PCDHA4: variants seen among roughly 807,000 people sequenced by gnomAD.
PCDHA4 encodes protocadherin alpha 4.
PCDHA4 carries 49 observed loss-of-function variants against 61.4 expected under a neutral mutation model. The observed-to-expected ratio is 0.80, with a 90% CI of 0.63 to 1.01. PCDHA4 has a LOEUF of 1.01. Ranked by LOEUF, PCDHA4 falls within the 50% of genes least tolerant of loss-of-function variation. The pLI, the probability that PCDHA4 is intolerant of heterozygous loss-of-function variation, is 0.00. For missense variants in PCDHA4, 1,254 were observed against 1,235.8 expected (o/e 1.01, Z -0.22); for synonymous variants, 590 against 550.3 (o/e 1.07, Z -1.01).
At position 141,010,065 on chromosome 5, in the gene PCDHA4, A is replaced by G; in HGVS notation, c.*128A>G. The stretch of plus-strand genomic sequence containing the variant: ...CTTAGAGACCTCAGAAATCTGCAGA[A>G]AGTTCCCTGTGTCTGTCTAGAACGC... On this transcript the variant is annotated 3_prime_UTR_variant, in exon 4 of 4. Coordinates refer to ENST00000530339, the MANE Select transcript of PCDHA4 (RefSeq NM_018907.4). The G allele has an allele frequency of 1.9e-6, 3 of 1,603,546 alleles. No homozygotes were observed. The highest frequency in any genetic ancestry group is 1.1e-5 in the South Asian group (1 of 89,360).
chr5:140,983,746 T>A (rs1206745225), intron 3 of PCDHA4, among the ~76,000 whole-genome samples: 2 of 152,228 alleles, frequency 1.3e-5, no homozygotes, highest in East Asian at 3.8e-4. Flanking sequence ...CTTGCAATAA[T>A]CCATTCAAAT....
At chr5:140,926,737 C>T (rs2083513630) in intron 1 of PCDHA4, 3 of 1,153,842 alleles carry the variant, frequency 2.6e-6, no homozygotes, top group Non-Finnish European at 3.4e-6. Flanking sequence ...GTTCGGGAGG[C>T]GCAACGTCGG....
At chr5:140,858,360 GC>G (rs1562537531) in intron 1 of PCDHA4, 1 of 1,592,532 alleles carries the variant, frequency 6.3e-7, no homozygotes. Context: ...ATGGCCTTCA[GC>G]CCCAGCCTTC....
At chr5:140,869,108 T>C in intron 1 of PCDHA4, 2 of 1,602,680 alleles carry the variant, frequency 1.2e-6, no homozygotes, top group African/African-American at 1.3e-5. Flanking sequence ...TATGCGATGT[T>C]TGGTTTTCAG....
chr5:140,951,021 G>A (rs960559037), intron 1 of PCDHA4, among the ~76,000 whole-genome samples: 1 of 151,932 alleles, frequency 6.6e-6, no homozygotes, highest in Non-Finnish European at 1.5e-5. Context: ...CAGGCAGTGA[G>A]TTTTAATTTC....
chr5:140,835,506 T>A (rs1261915665), intron 1 of PCDHA4: 2 of 1,613,822 alleles, frequency 1.2e-6, no homozygotes, highest in Non-Finnish European at 1.7e-6. Flanking sequence ...GATTAGCGTG[T>A]TTGACCGAGA....
Position 140,807,715 on chromosome 5 carries a change from A to G in PCDHA4, c.528A>G (p.Glu176=). ...ALLTYRLSPN[E]YFSLEKPPDD... ...TCACTTACAGACTGAGCCCAAATGA[A>G]TACTTTTCTCTGGAAAAACCACCTG... Residue 176 remains glutamate, a synonymous_variant, in exon 1 of 4, where the codon GAA becomes GAG. Coordinates refer to ENST00000530339, the MANE Select transcript of PCDHA4 (RefSeq NM_018907.4). 6.2e-7 allele frequency: 1 copy of G among 1,614,204 alleles called. No individual in the cohort carries two copies. Among genetic ancestry groups the G allele is most frequent in the African/African-American group, 1.3e-5 (1 of 75,050 alleles).
At chr5:140,835,889 C>T (rs1774023862) in intron 1 of PCDHA4, 2 of 1,611,938 alleles carry the variant, frequency 1.2e-6, no homozygotes, top group East Asian at 2.2e-5. Context: ...TGGGCGAGCG[C>T]GCGCTGTCGA....
chr5:140,889,679 C>A (rs968181758), intron 1 of PCDHA4, among the ~76,000 whole-genome samples: 4 of 152,026 alleles, frequency 2.6e-5, no homozygotes, highest in Admixed American at 6.6e-5. Flanking sequence ...TTATTTTAAA[C>A]CTTTTAGTAT....
chr5:140,988,622 ATGTCCTGGTTTTC>A (rs2097306090), intron 3 of PCDHA4, among the ~76,000 whole-genome samples: 1 of 152,124 alleles, frequency 6.6e-6, no homozygotes, highest in Non-Finnish European at 1.5e-5. Context: ...TAGAATGGAG[ATGTCCTGGTTTTC>A]TGAAATTAAA....
At chr5:140,959,712 T>G (rs166567) in intron 1 of PCDHA4, among the ~76,000 whole-genome samples, 1 of 152,020 alleles carries the variant, frequency 6.6e-6, no homozygotes, top group African/African-American at 2.4e-5. Flanking sequence ...AAAGGGAAAA[T>G]TTTTAGATAA....
At chr5:140,858,992 T>C (rs1452375472) in intron 1 of PCDHA4, 1 of 151,532 alleles carries the variant, frequency 6.6e-6, no homozygotes, top group African/African-American at 2.4e-5. Context: ...AGTTCATTGG[T>C]AAAAATTTCT....
intron 1 of PCDHA4, chr5:140,843,375 G>A: frequency 1.3e-6 from 2 of 1,596,166 alleles, no homozygotes; most frequent in Non-Finnish European, 1.7e-6. Flanking sequence ...CAGTCGGCTG[G>A]CGTTTTGGGT....
chr5:140,889,497 A>G (rs1024054854), intron 1 of PCDHA4, among the ~76,000 whole-genome samples: 1 of 152,188 alleles, frequency 6.6e-6, no homozygotes, highest in South Asian at 2.1e-4. Flanking sequence ...ATCTATAGTG[A>G]TATTTCCCTT....
At position 140,856,428 on chromosome 5, in the gene PCDHA4, A is replaced by G. The variant is rs782670614; in HGVS notation, c.2385+46856A>G. On this transcript the variant is annotated intron_variant, in intron 1 of 3. Coordinates refer to ENST00000530339, the MANE Select transcript of PCDHA4 (RefSeq NM_018907.4). ...GACGTGGAAGTGAAGGACATTAACG[A>G]CAACCCGCCCAGGTTCTCCGTAACA... The G allele has an allele frequency of 5.0e-6, 8 of 1,598,286 alleles. No homozygotes were observed. The East Asian group carries it at 1.8e-4, about 36-fold the overall frequency.
Position 140,838,077 on chromosome 5 carries a change from AGTGTGTGTGTGTGTG to A in PCDHA4, c.2385+28506_2385+28520del, listed in dbSNP as rs1775482926. Among the ~76,000 whole-genome samples, 4 of 80,664 alleles carry A rather than the reference AGTGTGTGTGTGTGTG, an allele frequency of 5.0e-5. 1 individual carries two copies. Among genetic ancestry groups the A allele is most frequent in the African/African-American group, 2.5e-4 (4 of 16,244 alleles). The allele number at this position is 80,664 out of a possible 152,430, so 52.9% of individuals were successfully genotyped here. On this transcript the variant is annotated intron_variant, in intron 1 of 3. Transcript: ENST00000530339. ...TTTCCACTTTAAGTTATATATATATAGTGTGTGTGTGTGTGTGTGTGTGTGTGTGTGTGTGTGTGT... is the reference window on the plus strand; with the variant it reads ...TTTCCACTTTAAGTTATATATATATATGTGTGTGTGTGTGTGTGTGTGTGT...
At chr5:140,989,940 G>A (rs947716591) in intron 3 of PCDHA4, among the ~76,000 whole-genome samples, 9 of 152,062 alleles carry the variant, frequency 5.9e-5, no homozygotes, top group Admixed American at 1.3e-4. Flanking sequence ...GACATTCCAC[G>A]TTTTTCTCGG....
intron 1 of PCDHA4, chr5:140,860,193 A>T (rs1054138940): frequency 6.9e-6 from 1 of 145,758 alleles, no homozygotes; most frequent in Non-Finnish European, 1.5e-5. Context: ...CTCTCCTTAC[A>T]TATATATCTA....
chr5:140,931,838 C>G (rs572437091), intron 1 of PCDHA4, among the ~76,000 whole-genome samples: 4 of 151,894 alleles, frequency 2.6e-5, no homozygotes, highest in African/African-American at 9.6e-5. Context: ...ATCCTGAATG[C>G]CTTAATAACA....
Sources: gnomAD v4.1 joint callset for allele counts (sites outside exome capture counted in the v4.1 genomes callset) on GRCh38, gnomAD v4.1.1 for gene constraint, MANE v1.5 for transcripts, NCBI Gene and HGNC (gene_info 2026-07-23, HGNC 2026-07-21) for gene names.